The following SPATC1 variants were observed in gnomAD, a reference collection of about 807,000 sequenced individuals.
SPATC1 encodes spermatogenesis and centriole associated 1.
Under a neutral mutation model 36.5 loss-of-function variants are expected in SPATC1, and 35 were observed. The ratio of observed to expected loss-of-function variants is 0.96; its 90% CI spans 0.73 to 1.27. The LOEUF is 1.27. Ranked by LOEUF, SPATC1 falls within the 50% of genes most tolerant of loss-of-function variation. SPATC1 has a pLI of 0.00. For missense variants in SPATC1, 779 were observed against 796.0 expected (o/e 0.98, Z 0.26); for synonymous variants, 361 against 353.6 (o/e 1.02, Z -0.24).
chr8:144,041,387 T>C lies in SPATC1; in HGVS notation c.1446+16T>C. ...GATCATCCAGGTGTGCGGCCAGGGG[T>C]CCTGCAGGGACAGGGGGCAGGTTGG... On this transcript the variant is annotated intron_variant, in intron 4 of 4. Transcript: ENST00000377470. 1.9e-6 allele frequency: 3 copies of C among 1,603,884 alleles called. No homozygotes were observed. Among genetic ancestry groups the C allele is most frequent in the Non-Finnish European group, 2.5e-6 (3 of 1,179,210 alleles).
At chr8:144,026,639 A>C (rs1173415915) in intron 1 of SPATC1, among the ~76,000 whole-genome samples, 1 of 152,168 alleles carries the variant, frequency 6.6e-6, no homozygotes, top group Non-Finnish European at 1.5e-5. Flanking sequence ...TAAAATCATA[A>C]CCATCCTAGT....
At chr8:144,025,345 C>G (rs1255599271) in intron 1 of SPATC1, among the ~76,000 whole-genome samples, 2 of 152,196 alleles carry the variant, frequency 1.3e-5, no homozygotes. Context: ...AGGTGTCTAG[C>G]TTTTACTTTT....
intron 1 of SPATC1, among the ~76,000 whole-genome samples, chr8:144,031,454 T>C (rs891677645): frequency 5.6e-5 from 8 of 142,830 alleles, no homozygotes; most frequent in South Asian, 2.2e-4. Flanking sequence ...TTTTTTCTTT[T>C]TTTTTTTTTT....
intron 1 of SPATC1, among the ~76,000 whole-genome samples, chr8:144,037,696 G>C (rs1177536882): frequency 1.3e-4 from 20 of 151,614 alleles, no homozygotes; most frequent in Admixed American, 1.3e-3. Flanking sequence ...CTCTGCCTAG[G>C]AAAACCAGAG....
At chr8:144,014,770 C>T (rs1834349199) in intron 1 of SPATC1, among the ~76,000 whole-genome samples, 2 of 152,168 alleles carry the variant, frequency 1.3e-5, no homozygotes, top group Admixed American at 1.3e-4. Context: ...GAATGAGAAA[C>T]AGATGTGCAA....
Position 144,027,354 on chromosome 8 carries a change from C to G in SPATC1, c.212-12555C>G, listed in dbSNP as rs914536275. On this transcript the variant is annotated intron_variant, in intron 1 of 4. Coordinates refer to ENST00000377470, the MANE Select transcript of SPATC1 (RefSeq NM_198572.3). ...ATATACACTGGATATAGTCCCTCCT[C>G]AAATATATCACTTGCAAATATTTTC... Among the ~76,000 whole-genome samples, 565 of 152,294 alleles carry G rather than the reference C, an allele frequency of 3.7e-3. 2 individuals carry two copies. Among genetic ancestry groups the G allele is most frequent in the African/African-American group, 0.012 (517 of 41,560 alleles).
rs181364961 is a variant in SPATC1 at position 144,044,458 on chromosome 8, C to T, written c.1447-2169C>T. On this transcript the variant is annotated intron_variant, in intron 4 of 4. Transcript: ENST00000377470. ...CTGGGACTACAGGCGCCCGCCACCA[C>T]GCCCAGCTAATTTTTTTTTTTTTGC... 3.4e-3 allele frequency among the ~76,000 whole-genome samples: 511 copies of T among 149,358 alleles called. 4 individuals are homozygous for T. The highest frequency in any genetic ancestry group is 0.012 in the African/African-American group (492 of 39,496).
Position 144,032,741 on chromosome 8 carries a change from A to G in SPATC1, c.212-7168A>G, listed in dbSNP as rs1020346275. ...TAAACTGTTTTCTGCAAAATATTGT[A>G]ATTTTTGTCCATATTGCTCCCCCTC... On this transcript the variant is annotated intron_variant, in intron 1 of 4. Transcript: ENST00000377470. 3.7e-3 allele frequency among the ~76,000 whole-genome samples: 563 copies of G among 152,054 alleles called. 2 individuals are homozygous for G. Among genetic ancestry groups the G allele is most frequent in the African/African-American group, 0.012 (515 of 41,482 alleles).
intron 1 of SPATC1, among the ~76,000 whole-genome samples, chr8:144,026,131 C>T (rs1434091423): frequency 6.6e-6 from 1 of 151,966 alleles, no homozygotes; most frequent in African/African-American, 2.4e-5. Context: ...AACCACTAAT[C>T]TACTTTCTGT....
At position 144,041,004 on chromosome 8, in the gene SPATC1, C is replaced by T. The variant is rs1389191437; in HGVS notation, c.1203C>T (p.Asp401=). 2.5e-6 allele frequency: 4 copies of T among 1,612,374 alleles called. No homozygotes were observed. Among genetic ancestry groups the T allele is most frequent in the Non-Finnish European group, 3.4e-6 (4 of 1,179,896 alleles). ...RTSSSPASVN[D]SRGPRTTEPS... ...CATCCTCCCCGGCTTCAGTCAATGA[C>T]TCTCGAGGTCCACGCACCACAGAAC... Residue 401 remains aspartate, a synonymous_variant, in exon 3 of 5, where the codon GAC becomes GAT. Coordinates refer to ENST00000377470, the MANE Select transcript of SPATC1 (RefSeq NM_198572.3).
intron 1 of SPATC1, among the ~76,000 whole-genome samples, chr8:144,014,830 C>T (rs996296786): frequency 3.9e-5 from 6 of 152,118 alleles, no homozygotes; most frequent in South Asian, 4.1e-4. Flanking sequence ...TGTGTGAATG[C>T]GCTATGAGAG....
At chr8:144,027,054 G>C (rs1466313834) in intron 1 of SPATC1, among the ~76,000 whole-genome samples, 1 of 140,020 alleles carries the variant, frequency 7.1e-6, no homozygotes, top group Non-Finnish European at 1.5e-5. Context: ...GGATGGTCTC[G>C]ATCTCCTGGC....
intron 1 of SPATC1, among the ~76,000 whole-genome samples, chr8:144,018,188 G>C (rs1467601000): frequency 6.6e-6 from 1 of 152,190 alleles, no homozygotes; most frequent in African/African-American, 2.4e-5. Flanking sequence ...GCAAGGTAAA[G>C]GCTGCCAAGA....
chr8:144,036,598 A>G (rs1358011513), intron 1 of SPATC1, among the ~76,000 whole-genome samples: 1 of 152,206 alleles, frequency 6.6e-6, no homozygotes. Context: ...TGCTGGGATT[A>G]CAGGCACGAA....
chr8:144,046,354 G>A lies in SPATC1; in HGVS notation c.1447-273G>A, dbSNP rs1835260924. On this transcript the variant is annotated intron_variant, in intron 4 of 4. Transcript: ENST00000377470. This position sits in a 1 kb window ranked among gnomAD's most constrained non-coding sequence, Gnocchi z 6.6. ...GGTGGTGCGTGGAGCAGACGACAGG[G>A]TTGGGGCATCCTCTTCCACCCTGTG... Among the ~76,000 whole-genome samples the A allele has an allele frequency of 6.6e-6, 1 of 152,140 alleles. No homozygotes were observed. Among genetic ancestry groups the A allele is most frequent in the South Asian group, 2.1e-4 (1 of 4,830 alleles).
chr8:144,036,549 C>T (rs1834902349), intron 1 of SPATC1, among the ~76,000 whole-genome samples: 1 of 152,034 alleles, frequency 6.6e-6, no homozygotes, highest in Non-Finnish European at 1.5e-5. Context: ...GTCTCGAACT[C>T]CTGAACTCAA....
rs552524527 is a variant in SPATC1, at chr8:144,040,496, T to G, written c.766+33T>G. The G allele has an allele frequency of 1.1e-4, 176 of 1,544,246 alleles. No individual in the cohort carries two copies. The African/African-American group carries it at 2.2e-3, about 19-fold the overall frequency. ...GTGTGGTGGGTGGTGGGTGGCAGAGTGGGGGGGGGCAGAGCCCTCCCACCT... is the reference window on the plus strand; with the variant it reads ...GTGTGGTGGGTGGTGGGTGGCAGAGGGGGGGGGGGCAGAGCCCTCCCACCT... On this transcript the variant is annotated intron_variant, in intron 2 of 4. Transcript: ENST00000377470.
At chr8:144,028,994 C>A (rs1834739946) in intron 1 of SPATC1, among the ~76,000 whole-genome samples, 1 of 151,930 alleles carries the variant, frequency 6.6e-6, no homozygotes, top group Admixed American at 6.6e-5. Context: ...CAAATGGGAG[C>A]TCAACAATGA....
In SPATC1 at chr8:144,040,920, C is replaced by CCAGAA. The variant is rs1835073159; in HGVS notation, c.1121_1125dup (p.Leu376ArgfsTer42). 2 of 1,595,982 alleles carry CCAGAA rather than the reference C, an allele frequency of 1.3e-6. No individual in the cohort carries two copies. Among genetic ancestry groups the CCAGAA allele is most frequent in the African/African-American group, 2.7e-5 (2 of 74,412 alleles). ...CTTCCCGAATGCATAATTCCCCAAC[C>CCAGAA]CAGAACCTGCCTGTCCCCCACTGTC... On this transcript the variant is annotated frameshift_variant, in exon 3 of 5. Coordinates refer to ENST00000377470, the MANE Select transcript of SPATC1 (RefSeq NM_198572.3). LOFTEE classifies it high-confidence loss of function.
Sources: allele counts gnomAD v4.1 joint callset (sites outside exome capture counted in the v4.1 genomes callset), GRCh38; gene constraint gnomAD v4.1.1; non-coding constraint Gnocchi (gnomAD v3.1); transcripts MANE v1.5; gene names NCBI Gene and HGNC (gene_info 2026-07-23, HGNC 2026-07-21).